The following BBS9 variants were observed in gnomAD, a reference collection of about 807,000 sequenced individuals.
The protein encoded by BBS9 is protein PTHB1.
BBS9 carries 89 observed loss-of-function variants against 117.7 expected under a neutral mutation model. The ratio of observed to expected loss-of-function variants is 0.76; its 90% confidence interval spans 0.64 to 0.90. The LOEUF (loss-of-function observed/expected upper bound fraction) is 0.90, where lower values mean the gene tolerates loss of function less well. Among genes scored for constraint, BBS9 ranks in the 40% least tolerant of loss-of-function variants. The pLI is 0.00. For synonymous variants in BBS9, 379 were observed against 370.9 expected, an observed-to-expected ratio of 1.02 and a Z score of -0.25; for missense variants, 982 against 1,042.2, an observed-to-expected ratio of 0.94 and a Z score of 0.80.
At chr7:33,277,928 A>C (rs541807972) in intron 9 of BBS9, among the ~76,000 whole-genome samples, 2 of 152,280 alleles carry the variant, frequency 1.3e-5, no homozygotes, top group South Asian at 4.2e-4. Context: ...TCTACACCTT[A>C]GCAAAATTCA....
chr7:33,319,593 AG>A (rs1327933691), intron 9 of BBS9, among the ~76,000 whole-genome samples: 4 of 152,294 alleles, frequency 2.6e-5, no homozygotes, highest in Non-Finnish European at 5.9e-5. Flanking sequence ...TGCAGGAGTA[AG>A]GTGGTATTAC....
chr7:33,624,071 C>A (rs996166840), intron 21 of BBS9, among the ~76,000 whole-genome samples: 2 of 151,910 alleles, frequency 1.3e-5, no homozygotes, highest in Non-Finnish European at 2.9e-5. Flanking sequence ...AAACGACATG[C>A]CTCTAATTTC....
chr7:33,321,226 T>G (rs762313875), intron 9 of BBS9, among the ~76,000 whole-genome samples: 2 of 152,144 alleles, frequency 1.3e-5, no homozygotes, highest in East Asian at 3.9e-4. Flanking sequence ...CTGGGTCTTT[T>G]GTGCTTCCAT....
intron 19 of BBS9, among the ~76,000 whole-genome samples, chr7:33,458,108 T>C (rs1457238234): frequency 1.3e-5 from 2 of 152,184 alleles, no homozygotes; most frequent in East Asian, 3.9e-4. Context: ...TTGTCTGGCC[T>C]GGATGACTCT....
intron 19 of BBS9, among the ~76,000 whole-genome samples, chr7:33,426,667 T>TA (rs538118243): frequency 5.1e-4 from 75 of 146,116 alleles, no homozygotes; most frequent in South Asian, 3.9e-3. Context: ...AGTTCTGCTT[T>TA]AAAAAAAAAA....
intron 19 of BBS9, among the ~76,000 whole-genome samples, chr7:33,426,678 A>AG (rs1329076666): frequency 6.6e-6 from 1 of 151,948 alleles, no homozygotes; most frequent in Admixed American, 6.6e-5. Context: ...AAAAAAAAAA[A>AG]CGGAGTTTTT....
At chr7:33,488,215 G>C (rs1319907442) in intron 19 of BBS9, among the ~76,000 whole-genome samples, 1 of 152,070 alleles carries the variant, frequency 6.6e-6, no homozygotes, top group Non-Finnish European at 1.5e-5. Context: ...ACTTGGACTA[G>C]ATTCACTTCC....
chr7:33,600,954 C>T lies in BBS9; in HGVS notation c.2522-3911C>T, dbSNP rs1391776362. Among the ~76,000 whole-genome samples, 6 of 152,260 alleles carry T rather than the reference C, an allele frequency of 3.9e-5. No individual in the cohort carries two copies. In the East Asian group the frequency reaches 9.6e-4, roughly 24 times the overall value. ...TGGAAAGAAAAGTATTTCCAGGCTA[C>T]TTTTATTCATGGGGGCCCCATTACA... On this transcript the variant is annotated intron_variant, in intron 21 of 22. Transcript: ENST00000242067.
chr7:33,140,459 A>G (rs1791272904), intron 1 of BBS9, among the ~76,000 whole-genome samples: 1 of 152,122 alleles, frequency 6.6e-6, no homozygotes. Flanking sequence ...GCCATCCTTC[A>G]TAGCCATGAA....
At chr7:33,157,092 G>A (rs2128118186) in intron 4 of BBS9, among the ~76,000 whole-genome samples, 1 of 152,188 alleles carries the variant, frequency 6.6e-6, no homozygotes, top group East Asian at 1.9e-4. Context: ...CTCCATGGGG[G>A]CTCTAAGCAG....
At chr7:33,308,709 C>T (rs1808540784) in intron 9 of BBS9, among the ~76,000 whole-genome samples, 1 of 152,074 alleles carries the variant, frequency 6.6e-6, no homozygotes, top group South Asian at 2.1e-4. Flanking sequence ...TAGATCTCTC[C>T]TTGGAATTTT....
intron 21 of BBS9, among the ~76,000 whole-genome samples, chr7:33,602,483 CT>C (rs1863950347): frequency 6.6e-6 from 1 of 152,130 alleles, no homozygotes; most frequent in Non-Finnish European, 1.5e-5. Flanking sequence ...AATCCCAGCA[CT>C]TTGGGAGGCT....
chr7:33,251,727 T>A (rs1007215313), intron 5 of BBS9, among the ~76,000 whole-genome samples: 2 of 152,212 alleles, frequency 1.3e-5, no homozygotes, highest in African/African-American at 4.8e-5. Flanking sequence ...TTTTATTTAA[T>A]TCTCACAAGT....
chr7:33,233,191 G>A (rs907159822), intron 5 of BBS9, among the ~76,000 whole-genome samples: 1 of 152,072 alleles, frequency 6.6e-6, no homozygotes, highest in Non-Finnish European at 1.5e-5. Context: ...GTGGCTATTG[G>A]TGATGCGAAA....
At chr7:33,457,411 G>A (rs1435125319) in intron 19 of BBS9, among the ~76,000 whole-genome samples, 1 of 152,098 alleles carries the variant, frequency 6.6e-6, no homozygotes, top group Non-Finnish European at 1.5e-5. Flanking sequence ...CACCTGTCCT[G>A]AGGGTAAGAT....
chr7:33,476,499 G>T (rs2128964568), intron 19 of BBS9, among the ~76,000 whole-genome samples: 1 of 152,316 alleles, frequency 6.6e-6, no homozygotes, highest in East Asian at 1.9e-4. Flanking sequence ...CTTGGCCATG[G>T]CTGCATTTCC....
chr7:33,168,303 C>A (rs116531667), intron 4 of BBS9, among the ~76,000 whole-genome samples: 24 of 152,166 alleles, frequency 1.6e-4, no homozygotes, highest in African/African-American at 5.3e-4. Context: ...AATGGTCATT[C>A]GTTTAGCCAA....
chr7:33,387,189 A>G (rs1378120440), intron 18 of BBS9, among the ~76,000 whole-genome samples: 1 of 152,176 alleles, frequency 6.6e-6, no homozygotes, highest in East Asian at 1.9e-4. Flanking sequence ...TGTAATGGGT[A>G]TCCTGATATA....
intron 4 of BBS9, among the ~76,000 whole-genome samples, chr7:33,164,429 G>A (rs983700445): frequency 2.6e-5 from 4 of 152,124 alleles, no homozygotes; most frequent in African/African-American, 9.7e-5. Flanking sequence ...TGACAGTGGG[G>A]TGTTAAAGTC....
Sources: gnomAD v4.1 joint callset for allele counts (sites outside exome capture counted in the v4.1 genomes callset) on GRCh38, gnomAD v4.1.1 for gene constraint, MANE v1.5 for transcripts, NCBI Gene and HGNC (gene_info 2026-07-23, HGNC 2026-07-21) for gene names.